SETD2: variants seen among roughly 807,000 people sequenced by gnomAD.
SETD2 encodes SET domain containing 2, histone lysine methyltransferase, also known as histone-lysine N-methyltransferase SETD2.
In SETD2, 31 loss-of-function variants were observed where a neutral mutation model predicts 242.1. The observed-to-expected ratio is 0.13, with a 90% CI of 0.10 to 0.17. SETD2 has a LOEUF of 0.17. Among genes scored for constraint, SETD2 ranks in the 10% least tolerant of loss-of-function variants. The probability of loss-of-function intolerance (pLI) is 1.00; values close to 1 mark genes in which losing one functional copy is unlikely to be tolerated. For missense variants in SETD2, 2,481 were observed against 3,046.3 expected, an observed-to-expected ratio of 0.81 and a Z score of 4.37; for synonymous variants, 1,006 against 1,066.5, an observed-to-expected ratio of 0.94 and a Z score of 1.11.
intron 1 of SETD2, among the ~76,000 whole-genome samples, chr3:47,163,222 G>A (rs1697552235): frequency 6.6e-6 from 1 of 152,220 alleles, no homozygotes; most frequent in Non-Finnish European, 1.5e-5. Context: ...AGTGCCAAAG[G>A]TGCACAATGT....
chr3:47,047,377 G>C (rs954226339), intron 15 of SETD2, among the ~76,000 whole-genome samples: 1 of 152,136 alleles, frequency 6.6e-6, no homozygotes, highest in Non-Finnish European at 1.5e-5. Flanking sequence ...TAGAAAATCT[G>C]CTTAAATAAG....
At chr3:47,055,572 A>C (rs762321721) in intron 15 of SETD2, among the ~76,000 whole-genome samples, 1 of 152,042 alleles carries the variant, frequency 6.6e-6, no homozygotes, top group African/African-American at 2.4e-5. Context: ...AGTGATGCAC[A>C]CCTGTAGTCC....
At chr3:47,045,158 C>A (rs769459899) in intron 16 of SETD2, among the ~76,000 whole-genome samples, 3 of 152,080 alleles carry the variant, frequency 2.0e-5, no homozygotes, top group African/African-American at 7.2e-5. Context: ...GAGGCTGAAG[C>A]GGGCGGATCA....
rs780204828 is a variant in SETD2, at chr3:47,017,608, C to T, written c.7533+30G>A. 1 of 1,470,602 alleles carries T rather than the reference C, an allele frequency of 6.8e-7. No homozygotes were observed. Among genetic ancestry groups the T allele is most frequent in the Non-Finnish European group, 9.5e-7 (1 of 1,049,384 alleles). The allele number at this position is 1,470,602 out of a possible 1,614,324, so 91.1% of individuals were successfully genotyped here. ...GTACACAGTTTGCCCAGAACATTGC[C>T]TGGTGGGCTACCAAAAGCAAGGGGA... is the stretch of plus-strand genomic sequence containing the variant. On this transcript the variant is annotated intron_variant, in intron 20 of 20. Transcript: ENST00000409792. This position sits in a 1 kb window ranked among gnomAD's most constrained non-coding sequence, Gnocchi z 4.8.
chr3:47,110,247 G>C (rs1018757622), intron 5 of SETD2, among the ~76,000 whole-genome samples: 1 of 152,086 alleles, frequency 6.6e-6, no homozygotes. Flanking sequence ...GCAAATTAGT[G>C]GCTGCCAGGC....
intron 18 of SETD2, among the ~76,000 whole-genome samples, chr3:47,021,110 T>C (rs2038199025): frequency 6.6e-6 from 1 of 152,252 alleles, no homozygotes; most frequent in Non-Finnish European, 1.5e-5. Flanking sequence ...TCAAGTGTTT[T>C]GCTTTGGGAT....
In SETD2 at chr3:47,124,256, G is replaced by C. The variant is rs2106723904; in HGVS notation, c.380C>G (p.Ala127Gly). The C allele has an allele frequency of 6.4e-7, 1 of 1,551,686 alleles. No homozygotes were observed. Among genetic ancestry groups the C allele is most frequent in the Non-Finnish European group, 8.7e-7 (1 of 1,146,974 alleles). ...KMEIGDTLST[A>G]EESSPPKSRV... ...TGACTTTGGTGGGGAAGATTCTTCT[G>C]CAGTAGATAAGGTATCACCAATTTC... Residue 127 changes from alanine (A) to glycine (G), a missense_variant, in exon 3 of 21, where the codon GCA (alanine) becomes GGA (glycine). Physicochemically the swap from Ala to Gly is moderately conservative, Grantham distance 60. This residue lies in a region of SETD2 where 334 missense variants were observed against 374.5 expected (regional missense o/e 0.89). Coordinates refer to ENST00000409792, the MANE Select transcript of SETD2 (RefSeq NM_014159.7).
intron 9 of SETD2, 29 bp from the exon 10 acceptor site, chr3:47,088,276 A>T (rs2107652171): frequency 1.3e-6 from 2 of 1,572,868 alleles, no homozygotes; most frequent in South Asian, 2.4e-5. Flanking sequence ...ATACCTTTTT[A>T]TAAAACAACA....
chr3:47,051,685 T>C (rs2107563020), intron 15 of SETD2, among the ~76,000 whole-genome samples: 1 of 152,222 alleles, frequency 6.6e-6, no homozygotes, highest in East Asian at 1.9e-4. Context: ...TATTCTGATA[T>C]TGATTTTATA....
At chr3:47,031,478 GACAA>G (rs2038768107) in intron 18 of SETD2, among the ~76,000 whole-genome samples, 1 of 152,144 alleles carries the variant, frequency 6.6e-6, no homozygotes, top group Non-Finnish European at 1.5e-5. Flanking sequence ...CCTTTCTTCA[GACAA>G]ACAAAAGCTG....
chr3:47,057,514 A>G (rs2107578553), intron 14 of SETD2, 24 bp from the exon 15 acceptor site: 2 of 1,584,202 alleles, frequency 1.3e-6, no homozygotes, highest in Non-Finnish European at 8.7e-7. Flanking sequence ...AAGGACCACA[A>G]AAAGTTGCTC....
chr3:47,154,884 C>T (rs2106836273), intron 1 of SETD2, among the ~76,000 whole-genome samples: 1 of 152,158 alleles, frequency 6.6e-6, no homozygotes, highest in African/African-American at 2.4e-5. Context: ...GTCCCAGCTA[C>T]TCCGGAGGCT....
intron 1 of SETD2, among the ~76,000 whole-genome samples, chr3:47,128,594 G>C (rs1054843492): frequency 6.6e-6 from 1 of 152,178 alleles, no homozygotes; most frequent in African/African-American, 2.4e-5. Flanking sequence ...GACAGGGGGA[G>C]AGGGGGCAGT....
In SETD2 at chr3:47,121,165, C is replaced by A. The variant is rs767211424; in HGVS notation, c.3471G>T (p.Leu1157=). 8 of 1,614,022 alleles carry A rather than the reference C, an allele frequency of 5.0e-6. No individual in the cohort carries two copies. In the African/African-American group the frequency reaches 1.1e-4, roughly 22 times the overall value. The change falls in exon 3 of 21, where the codon CTG becomes CTT. Residue 1157 remains leucine, a synonymous_variant. Coordinates refer to ENST00000409792, the MANE Select transcript of SETD2 (RefSeq NM_014159.7). ...CACTCTGAGGATGAGAAAGTTCAGG[C>A]AGGCGATTATCTATTTGTTTTCTAC... The part of the protein sequence containing the change: ...QSSRKQIDNR[L]PELSHPQSDG...
At chr3:47,088,283 A>G (rs2107652249) in intron 9 of SETD2, 36 bp from the exon 10 acceptor site, 1 of 1,566,648 alleles carries the variant, frequency 6.4e-7, no homozygotes, top group Non-Finnish European at 8.6e-7. Context: ...TTTATAAAAC[A>G]ACAACAACAA....
rs912692312 is a variant in SETD2, at chr3:47,026,380, G to T, written c.7351-6540C>A. On this transcript the variant is annotated intron_variant, in intron 18 of 20. Coordinates refer to ENST00000409792, the MANE Select transcript of SETD2 (RefSeq NM_014159.7). The stretch of plus-strand genomic sequence containing the variant: ...GGGAGTGTAAATTAGTTCAACCATT[G>T]TGGAAGACAGTGCGGCAATTCCTCA... Among the ~76,000 whole-genome samples, 6 of 152,320 alleles carry T rather than the reference G, an allele frequency of 3.9e-5. No individual in the cohort carries two copies. The East Asian group carries it at 1.2e-3, about 29-fold the overall frequency.
intron 13 of SETD2, among the ~76,000 whole-genome samples, chr3:47,066,020 T>C (rs1291782888): frequency 1.3e-5 from 2 of 152,130 alleles, no homozygotes; most frequent in East Asian, 3.9e-4. Context: ...GAAAGTCCAC[T>C]TATATGTGGA....
At chr3:47,048,047 A>G (rs1381477837) in intron 15 of SETD2, among the ~76,000 whole-genome samples, 1 of 152,220 alleles carries the variant, frequency 6.6e-6, no homozygotes, top group Non-Finnish European at 1.5e-5. Context: ...ATAACTTAAC[A>G]GTATCTGTGT....
chr3:47,112,511 A>T (rs2042697313), intron 5 of SETD2, among the ~76,000 whole-genome samples: 2 of 152,080 alleles, frequency 1.3e-5, no homozygotes, highest in African/African-American at 4.8e-5. Flanking sequence ...TGAACTCCTG[A>T]CCTCAGGTGA....
Sources: allele counts gnomAD v4.1 joint callset (sites outside exome capture counted in the v4.1 genomes callset), GRCh38; gene constraint gnomAD v4.1.1; regional missense constraint gnomAD v4.1.1; non-coding constraint Gnocchi (gnomAD v3.1); transcripts MANE v1.5; gene names NCBI Gene and HGNC (gene_info 2026-07-23, HGNC 2026-07-21).